FBXO42: variants seen among roughly 807,000 people sequenced by gnomAD.
FBXO42 encodes F-box protein 42, also known as F-box only protein 42.
FBXO42 carries 12 observed loss-of-function variants against 71.7 expected under a neutral mutation model. The ratio of observed to expected loss-of-function variants is 0.17; its 90% CI spans 0.11 to 0.27. The LOEUF is 0.27. FBXO42 is among the 10% of genes least tolerant of loss of function. The probability of loss-of-function intolerance (pLI) is 1.00; values close to 1 mark genes in which losing one functional copy is unlikely to be tolerated. For synonymous variants in FBXO42, 325 were observed against 327.5 expected (o/e 0.99, Z 0.08); for missense variants, 707 against 911.9 (o/e 0.78, Z 2.89).
chr1:16,316,907 T>C (rs1240527140), intron 1 of FBXO42, among the ~76,000 whole-genome samples: 1 of 152,154 alleles, frequency 6.6e-6, no homozygotes, highest in Non-Finnish European at 1.5e-5. Flanking sequence ...TAAATTGTGG[T>C]ACATTCGCCA....
rs1274662473 is a variant in FBXO42 at position 16,335,287 on chromosome 1, A to C, written c.-18+16968T>G. On this transcript the variant is annotated intron_variant, in intron 1 of 9. Coordinates refer to ENST00000375592, the MANE Select transcript of FBXO42 (RefSeq NM_018994.3). ...CCCAAGAAGCTGGGACTCCAGGTGC[A>C]CACCATCAAGACCAGCTAATTTTTT... 2.0e-5 allele frequency among the ~76,000 whole-genome samples: 3 copies of C among 151,962 alleles called. No homozygotes were observed. In the East Asian group the frequency reaches 5.8e-4, roughly 29 times the overall value.
intron 1 of FBXO42, among the ~76,000 whole-genome samples, chr1:16,334,020 C>T (rs1412528366): frequency 6.6e-6 from 1 of 152,104 alleles, no homozygotes; most frequent in African/African-American, 2.4e-5. Context: ...TATTCTGTAC[C>T]ATTTCTATGA....
intron 4 of FBXO42, chr1:16,292,207 G>C (rs2082086239): frequency 6.6e-6 from 1 of 152,220 alleles, no homozygotes; most frequent in Non-Finnish European, 1.5e-5. Flanking sequence ...GTAAATGATT[G>C]AAGCAGTTAT....
At chr1:16,316,730 CA>C (rs71003274) in intron 1 of FBXO42, among the ~76,000 whole-genome samples, 11,840 of 52,112 alleles carry the variant, frequency 0.23, 262 homozygotes, top group African/African-American at 0.25. Context: ...GAAAGACTCT[CA>C]AAAAAAAAAA....
intron 4 of FBXO42, chr1:16,293,411 G>A (rs2082099783): frequency 1.3e-5 from 2 of 152,376 alleles, no homozygotes; most frequent in South Asian, 2.1e-4. Context: ...GTGAGCCAGT[G>A]GGCCTGGCTT....
chr1:16,317,171 A>G (rs778856459), intron 1 of FBXO42, among the ~76,000 whole-genome samples: 2 of 152,166 alleles, frequency 1.3e-5, no homozygotes, highest in Non-Finnish European at 2.9e-5. Context: ...TAATCCCAGC[A>G]CTTTGGGAGG....
intron 1 of FBXO42, among the ~76,000 whole-genome samples, chr1:16,324,640 A>C (rs1372966201): frequency 6.6e-6 from 1 of 152,192 alleles, no homozygotes; most frequent in Admixed American, 6.6e-5. Flanking sequence ...CAACATGACA[A>C]AACCCTTCTC....
At chr1:16,337,205 A>G (rs2082559860) in intron 1 of FBXO42, among the ~76,000 whole-genome samples, 1 of 152,182 alleles carries the variant, frequency 6.6e-6, no homozygotes, top group Non-Finnish European at 1.5e-5. Context: ...TTATAGATTC[A>G]GATTCAGTAA....
Position 16,352,383 on chromosome 1 carries a change from T to C in FBXO42, c.-146A>G, listed in dbSNP as rs2082710959. On this transcript the variant is annotated 5_prime_UTR_variant, in exon 1 of 10. Coordinates refer to ENST00000375592, the MANE Select transcript of FBXO42 (RefSeq NM_018994.3). ...AGCCGTGCTCGGGGCTCCTCACAGC[T>C]GGCGGGACCCCGAGCCGCCCGGAGC... is the stretch of plus-strand genomic sequence containing the variant. 2.5e-6 allele frequency: 1 copy of C among 399,290 alleles called. No homozygotes were observed. The allele number at this position is 399,290 out of a possible 1,614,324, so 24.7% of individuals were successfully genotyped here. A position where few individuals can be genotyped will look rare whatever the true frequency, so the allele number is the denominator to read the frequency against.
intron 2 of FBXO42, 30 bp from the exon 3 acceptor site, chr1:16,305,949 C>T: frequency 7.1e-7 from 1 of 1,414,406 alleles, no homozygotes; most frequent in African/African-American, 1.4e-5. Flanking sequence ...CCCTTCAGTC[C>T]AGACACTTAA....
At chr1:16,255,025 C>A (rs920209290) in intron 6 of FBXO42, among the ~76,000 whole-genome samples, 1 of 152,198 alleles carries the variant, frequency 6.6e-6, no homozygotes, top group Non-Finnish European at 1.5e-5. Flanking sequence ...CTTGTCCTGT[C>A]AATCTCCCCC....
At chr1:16,276,018 A>T (rs1012202425) in intron 4 of FBXO42, among the ~76,000 whole-genome samples, 1 of 152,150 alleles carries the variant, frequency 6.6e-6, no homozygotes, top group African/African-American at 2.4e-5. Context: ...GGTGATATTT[A>T]TAAGTCAATA....
rs1444231714 is a variant in FBXO42 at position 16,252,555 on chromosome 1, G to C, written c.922-151C>G. The C allele has an allele frequency of 4.9e-6, 3 of 613,204 alleles. No homozygotes were observed. The East Asian group carries it at 8.3e-5, about 17-fold the overall frequency. 38.0% of individuals were successfully genotyped at this position (613,204 alleles called of 1,614,324 possible). Reference sequence around the variant, plus strand: ...AGCAAAATCCTCAGTTAATTATTCAGTTGTGCATGCATCCACTTACGCTTT... The same window carrying C: ...AGCAAAATCCTCAGTTAATTATTCACTTGTGCATGCATCCACTTACGCTTT... On this transcript the variant is annotated intron_variant, in intron 8 of 9. Coordinates refer to ENST00000375592, the MANE Select transcript of FBXO42 (RefSeq NM_018994.3). The surrounding 1 kb of genome is among the most constrained non-coding windows in gnomAD (Gnocchi z 4.4).
chr1:16,251,665 G>C lies in FBXO42; in HGVS notation c.1159C>G (p.Arg387Gly). Residue 387 changes from arginine to glycine, a missense_variant, in exon 10 of 10, where the codon CGA (arginine) becomes GGA (glycine). Arg to Gly is a moderately radical substitution (Grantham distance 125). Coordinates refer to ENST00000375592, the MANE Select transcript of FBXO42 (RefSeq NM_018994.3). This position sits in a 1 kb window ranked among gnomAD's most constrained non-coding sequence, Gnocchi z 4.5. ...ATPPALVPET[R>G]EYRSQSPVRS... ...ACTGGAGACTGAGAGCGGTACTCTCGGGTTTCAGGAACGAGAGCTGGAGGA... is the reference window on the plus strand; with the variant it reads ...ACTGGAGACTGAGAGCGGTACTCTCCGGTTTCAGGAACGAGAGCTGGAGGA... 6.2e-7 allele frequency: 1 copy of C among 1,614,136 alleles called. No individual in the cohort carries two copies.
intron 1 of FBXO42, among the ~76,000 whole-genome samples, chr1:16,338,354 CAAAAAAAAAAAA>C (rs55865669): frequency 1.8e-5 from 2 of 108,162 alleles, no homozygotes; most frequent in African/African-American, 7.5e-5. Flanking sequence ...GCCCTATCTC[CAAAAAAAAAAAA>C]AAAAAAAAAA....
At chr1:16,257,389 A>G (rs2081657774) in intron 4 of FBXO42, among the ~76,000 whole-genome samples, 3 of 152,200 alleles carry the variant, frequency 2.0e-5, no homozygotes, top group African/African-American at 7.2e-5. Context: ...AATGGGGCAG[A>G]CCTTCAAGGA....
intron 3 of FBXO42, among the ~76,000 whole-genome samples, chr1:16,295,555 T>A (rs1222830672): frequency 1.3e-5 from 2 of 152,036 alleles, no homozygotes. Context: ...CACACCCAGC[T>A]AATTTTTTTG....
intron 4 of FBXO42, among the ~76,000 whole-genome samples, chr1:16,276,680 G>C (rs1190480591): frequency 6.6e-6 from 1 of 152,228 alleles, no homozygotes; most frequent in Admixed American, 6.5e-5. Flanking sequence ...GGCATCATAT[G>C]AAATGAAATT....
intron 1 of FBXO42, among the ~76,000 whole-genome samples, chr1:16,340,014 A>G (rs1310013496): frequency 1.3e-5 from 2 of 152,076 alleles, no homozygotes; most frequent in East Asian, 3.9e-4. Context: ...TGTCTCTACT[A>G]AAAATACAAA....
Sources: allele counts gnomAD v4.1 joint callset (sites outside exome capture counted in the v4.1 genomes callset), GRCh38; gene constraint gnomAD v4.1.1; non-coding constraint Gnocchi (gnomAD v3.1); transcripts MANE v1.5; gene names NCBI Gene and HGNC (gene_info 2026-07-23, HGNC 2026-07-21).